The following PLEKHB1 variants were observed in gnomAD, a reference collection of about 807,000 sequenced individuals.
The protein encoded by PLEKHB1 is pleckstrin homology domain-containing family B member 1.
In PLEKHB1, 29 loss-of-function variants were observed where a neutral mutation model predicts 36.2. The ratio of observed to expected loss-of-function variants is 0.80; its 90% CI spans 0.60 to 1.09. The LOEUF (loss-of-function observed/expected upper bound fraction) is 1.09. PLEKHB1 is among the 50% of genes least tolerant of loss of function. PLEKHB1 has a pLI of 0.00. For synonymous variants in PLEKHB1, 138 were observed against 140.0 expected, an observed-to-expected ratio of 0.99 and a Z score of 0.10; for missense variants, 330 against 348.2, an observed-to-expected ratio of 0.95 and a Z score of 0.42.
intron 5 of PLEKHB1, 52 bp downstream of exon 5, chr11:73,653,066 A>G (rs1944929807): frequency 3.9e-6 from 6 of 1,546,232 alleles, no homozygotes; most frequent in Non-Finnish European, 5.3e-6. Flanking sequence ...GTGCCATGGA[A>G]TCATGAGTGA....
intron 6 of PLEKHB1, 174 bp from the exon 7 acceptor site, chr11:73,660,579 C>T: frequency 1.6e-6 from 1 of 623,552 alleles, no homozygotes; most frequent in Non-Finnish European, 2.8e-6. Context: ...GGACCGTGGA[C>T]CTTGTGGGGA....
Position 73,661,915 on chromosome 11 carries a change from C to T in PLEKHB1, c.*313C>T. On this transcript the variant is annotated 3_prime_UTR_variant, in exon 8 of 8. Coordinates refer to ENST00000354190, the MANE Select transcript of PLEKHB1 (RefSeq NM_021200.3). The surrounding 1 kb of genome is among the most constrained non-coding windows in gnomAD (Gnocchi z 4.6). The stretch of plus-strand genomic sequence containing the variant: ...CAGCAAATACGACTTCATTTGGCTT[C>T]GAGTTCCCCAGGCGCTGTAGACACA... 6.4e-6 allele frequency: 2 copies of T among 313,440 alleles called. No individual in the cohort carries two copies. Among genetic ancestry groups the T allele is most frequent in the Admixed American group, 4.5e-5 (1 of 22,120 alleles). The allele number at this position is 313,440 out of a possible 1,614,324, so 19.4% of individuals were successfully genotyped here.
chr11:73,656,241 C>T (rs1944992516), intron 6 of PLEKHB1, among the ~76,000 whole-genome samples: 1 of 152,222 alleles, frequency 6.6e-6, no homozygotes, highest in Non-Finnish European at 1.5e-5. Flanking sequence ...GTCATTCCCT[C>T]CCTCAGCCTA....
rs759037082 is a variant in PLEKHB1 at position 73,650,574 on chromosome 11, A to G, written c.116A>G (p.Lys39Arg). Reference protein sequence around the residue: ...WRQSSILRRWKRNWFALWLDG... With the variant: ...WRQSSILRRWRRNWFALWLDG... ...ACAGGCTCCATCCTCCGCCGCTGGA[A>G]GCGGAACTGGTTTGCCCTGTGGCTG... is the stretch of plus-strand genomic sequence containing the variant. The change falls in exon 3 of 8, where the codon AAG becomes AGG. Residue 39 changes from lysine (K) to arginine (R), a missense_variant. Physicochemically the swap from Lys to Arg is conservative, Grantham distance 26 (BLOSUM62 2). Coordinates refer to ENST00000354190, the MANE Select transcript of PLEKHB1 (RefSeq NM_021200.3). 8.1e-6 allele frequency: 13 copies of G among 1,612,614 alleles called. No homozygotes were observed. In the East Asian group the frequency reaches 2.7e-4, roughly 33 times the overall value.
At chr11:73,649,595 C>T (rs1944846580) in intron 2 of PLEKHB1, among the ~76,000 whole-genome samples, 1 of 152,188 alleles carries the variant, frequency 6.6e-6, no homozygotes, top group Non-Finnish European at 1.5e-5. Context: ...GCTTTGGAAT[C>T]CACAAAGCCC....
chr11:73,658,568 G>A (rs1945039451), intron 6 of PLEKHB1, among the ~76,000 whole-genome samples: 1 of 152,214 alleles, frequency 6.6e-6, no homozygotes, highest in Admixed American at 6.5e-5. Context: ...GAAAGCAGAT[G>A]TGTGAAGACA....
At chr11:73,653,408 T>C (rs946376323) in intron 5 of PLEKHB1, 2 of 483,938 alleles carry the variant, frequency 4.1e-6, no homozygotes, top group Non-Finnish European at 8.1e-6. Context: ...ACAACAAATA[T>C]TTACTGAGCT....
chr11:73,661,491 G>A lies in PLEKHB1; in HGVS notation c.621G>A (p.Val207=). The A allele has an allele frequency of 6.2e-7, 1 of 1,613,816 alleles. No homozygotes were observed. Among genetic ancestry groups the A allele is most frequent in the Middle Eastern group, 1.7e-4 (1 of 6,058 alleles). ...GCCCTGGCGTGACGCACGTGATAGT[G>A]CGGGAGGATCCCTGCTACAGCGCCG... is the stretch of plus-strand genomic sequence containing the variant. ...YAGPGVTHVI[V]REDPCYSAGA... Residue 207 remains valine, a synonymous_variant, in exon 8 of 8, where the codon GTG becomes GTA. Transcript: ENST00000354190. This position sits in a 1 kb window ranked among gnomAD's most constrained non-coding sequence, Gnocchi z 4.6.
intron 6 of PLEKHB1, among the ~76,000 whole-genome samples, chr11:73,659,001 A>G (rs1374680183): frequency 6.6e-6 from 1 of 152,156 alleles, no homozygotes; most frequent in Non-Finnish European, 1.5e-5. Context: ...AGGCGGGCAG[A>G]TCACCTGAGG....
chr11:73,648,385 G>C (rs1371268568), intron 1 of PLEKHB1: 1 of 154,990 alleles, frequency 6.5e-6, no homozygotes, highest in Non-Finnish European at 1.4e-5. Context: ...AAGGACTGCA[G>C]GGAGGCTTAA....
At chr11:73,654,888 G>A (rs898280391) in intron 5 of PLEKHB1, among the ~76,000 whole-genome samples, 2 of 152,212 alleles carry the variant, frequency 1.3e-5, no homozygotes, top group African/African-American at 4.8e-5. Context: ...GAGCAATAAA[G>A]GGCATTCAGC....
chr11:73,648,848 C>A, intron 1 of PLEKHB1, 164 bp from the exon 2 acceptor site: 1 of 1,377,944 alleles, frequency 7.3e-7, no homozygotes, highest in South Asian at 1.6e-5. Flanking sequence ...TGCTCCCATT[C>A]TCTTCCTGAG....
chr11:73,651,747 C>T lies in PLEKHB1; in HGVS notation c.248-41C>T, dbSNP rs779673059. The stretch of plus-strand genomic sequence containing the variant: ...CCTGCTTTACTGGGGGGACCTGGGG[C>T]TTGTGCCTGTGGAAACCCATATATG... On this transcript the variant is annotated intron_variant, in intron 3 of 7. Coordinates refer to ENST00000354190, the MANE Select transcript of PLEKHB1 (RefSeq NM_021200.3). 26 of 1,528,064 alleles carry T rather than the reference C, an allele frequency of 1.7e-5. No homozygotes were observed. In the Admixed American group the frequency reaches 1.8e-4, roughly 10 times the overall value. 94.7% of individuals were successfully genotyped at this position (1,528,064 alleles called of 1,614,324 possible).
chr11:73,661,396 C>T lies in PLEKHB1; in HGVS notation c.596-70C>T, dbSNP rs1376781240. 1 of 1,555,198 alleles carries T rather than the reference C, an allele frequency of 6.4e-7. No homozygotes were observed. Among genetic ancestry groups the T allele is most frequent in the African/African-American group, 1.4e-5 (1 of 73,600 alleles). On this transcript the variant is annotated intron_variant, in intron 7 of 7. Coordinates refer to ENST00000354190, the MANE Select transcript of PLEKHB1 (RefSeq NM_021200.3). This position sits in a 1 kb window ranked among gnomAD's most constrained non-coding sequence, Gnocchi z 4.6. ...TACACTGGGTTGGGCTGGAGTGATG[C>T]AGGAAGGGTACGAAGATCACTCTAC...
intron 6 of PLEKHB1, among the ~76,000 whole-genome samples, chr11:73,658,641 G>C (rs141646769): frequency 0.029 from 4,339 of 152,104 alleles, 215 homozygotes; most frequent in African/African-American, 0.099. Context: ...TTTTGAGACA[G>C]GATCTCCCTC....
At chr11:73,657,107 C>G (rs1565332693) in intron 6 of PLEKHB1, among the ~76,000 whole-genome samples, 1 of 152,160 alleles carries the variant, frequency 6.6e-6, no homozygotes, top group Admixed American at 6.5e-5. Context: ...CACCCCACTG[C>G]ACTCCAGCCT....
chr11:73,653,691 GCA>G (rs1278837663), intron 5 of PLEKHB1, among the ~76,000 whole-genome samples: 1 of 152,164 alleles, frequency 6.6e-6, no homozygotes, highest in African/African-American at 2.4e-5. Flanking sequence ...AAAGGGCACG[GCA>G]TTCCAGGCAG....
intron 2 of PLEKHB1, 95 bp from the exon 3 acceptor site, chr11:73,650,458 G>T (rs971882995): frequency 6.6e-6 from 9 of 1,364,172 alleles, no homozygotes; most frequent in Non-Finnish European, 8.9e-6. Flanking sequence ...TAACACTAGG[G>T]ACTGAGGCTG....
rs754755105 is a variant in PLEKHB1, at chr11:73,649,046, A to C, written c.53A>C (p.Glu18Ala). ...PPDSALESPF[E>A]EMALVRGGWL... ...GACTCCGCTCTGGAAAGTCCTTTTG[A>C]AGAAATGGCCCTGGTGAGGGGCGGC... Residue 18 changes from glutamate (E) to alanine (A), a missense_variant, in exon 2 of 8, where the codon GAA becomes GCA. Coordinates refer to ENST00000354190, the MANE Select transcript of PLEKHB1 (RefSeq NM_021200.3). 3.7e-6 allele frequency: 6 copies of C among 1,601,986 alleles called. No homozygotes were observed. The highest frequency in any genetic ancestry group is 3.4e-6 in the Non-Finnish European group (4 of 1,174,444).
Sources: allele counts gnomAD v4.1 joint callset (sites outside exome capture counted in the v4.1 genomes callset), GRCh38; gene constraint gnomAD v4.1.1; non-coding constraint Gnocchi (gnomAD v3.1); transcripts MANE v1.5; gene names NCBI Gene and HGNC (gene_info 2026-07-23, HGNC 2026-07-21).